The following XKR9 variants were observed in gnomAD, a reference collection of about 807,000 sequenced individuals.
XKR9 encodes XK-related protein 9.
Under a neutral mutation model 32.0 loss-of-function variants are expected in XKR9, and 32 were observed. That is an observed-to-expected ratio of 1.00 (90% confidence interval 0.76 to 1.34). XKR9 has a LOEUF of 1.34. Ranked by LOEUF, XKR9 falls within the 40% of genes most tolerant of loss-of-function variation. XKR9 has a pLI of 0.00. For missense variants in XKR9, 546 were observed against 429.7 expected, an observed-to-expected ratio of 1.27 and a Z score of -2.39; for synonymous variants, 168 against 143.4, an observed-to-expected ratio of 1.17 and a Z score of -1.22.
At chr8:70,892,816 G>C in the XKR9 span, among the ~76,000 whole-genome samples, 2 of 152,222 alleles carry the variant, frequency 1.3e-5, no homozygotes, top group Admixed American at 6.5e-5. Context: ...AATTCAAGGA[G>C]GTCCCTTTGG....
chr8:71,015,524 T>G, the XKR9 span, among the ~76,000 whole-genome samples: 1 of 152,216 alleles, frequency 6.6e-6, no homozygotes, highest in Non-Finnish European at 1.5e-5. Context: ...TGTCTTGATT[T>G]GGTCATCTGT....
the XKR9 span, among the ~76,000 whole-genome samples, chr8:70,978,327 C>T: frequency 4.0e-4 from 61 of 152,246 alleles, no homozygotes; most frequent in African/African-American, 1.4e-3. Context: ...TTCTCTCTAG[C>T]ATCGATGGTC....
intron 2 of XKR9, among the ~76,000 whole-genome samples, chr8:70,744,530 A>C (rs1269707795): frequency 6.6e-6 from 1 of 152,184 alleles, no homozygotes; most frequent in Non-Finnish European, 1.5e-5. Flanking sequence ...CCTCAAATCC[A>C]GTTCATTTTT....
chr8:70,781,410 CAT>C (rs1206827389), intron 2 of XKR9, among the ~76,000 whole-genome samples: 1 of 151,492 alleles, frequency 6.6e-6, no homozygotes, highest in Non-Finnish European at 1.5e-5. Context: ...TTTTAGTTGA[CAT>C]GTAATAATTG....
chr8:71,026,729 C>A, the XKR9 span, among the ~76,000 whole-genome samples: 1 of 152,134 alleles, frequency 6.6e-6, no homozygotes, highest in Non-Finnish European at 1.5e-5. Context: ...ATTTATTATT[C>A]TAAGTGCAAT....
the XKR9 span, among the ~76,000 whole-genome samples, chr8:70,882,098 C>A: frequency 1.3e-5 from 2 of 151,794 alleles, no homozygotes; most frequent in Non-Finnish European, 2.9e-5. Context: ...GAACATCACA[C>A]AATGGGGCCT....
the XKR9 span, among the ~76,000 whole-genome samples, chr8:70,930,852 T>C: frequency 1.3e-5 from 2 of 152,252 alleles, no homozygotes; most frequent in African/African-American, 4.8e-5. Context: ...TGGGAGGAAT[T>C]GATGGTTGGG....
At chr8:70,874,040 G>T in the XKR9 span, among the ~76,000 whole-genome samples, 1 of 152,168 alleles carries the variant, frequency 6.6e-6, no homozygotes, top group Non-Finnish European at 1.5e-5. Context: ...GGCTCAGATT[G>T]TTGTTAGCAT....
At chr8:70,821,518 C>T in the XKR9 span, among the ~76,000 whole-genome samples, 2 of 152,226 alleles carry the variant, frequency 1.3e-5, no homozygotes, top group African/African-American at 2.4e-5. Context: ...TTCTCTTCTG[C>T]ACTACCCTAG....
intron 3 of XKR9, among the ~76,000 whole-genome samples, chr8:70,705,041 GCTC>G (rs1805671643): frequency 6.6e-6 from 1 of 152,014 alleles, no homozygotes; most frequent in South Asian, 2.1e-4. Flanking sequence ...GTAAAAATAT[GCTC>G]CTTTTTGCCA....
chr8:70,966,126 A>G, the XKR9 span, among the ~76,000 whole-genome samples: 1 of 152,088 alleles, frequency 6.6e-6, no homozygotes, highest in African/African-American at 2.4e-5. Context: ...CTCTGTTTTC[A>G]TTAGTTTCAA....
the XKR9 span, among the ~76,000 whole-genome samples, chr8:70,988,025 T>G: frequency 6.6e-6 from 1 of 152,140 alleles, no homozygotes; most frequent in Non-Finnish European, 1.5e-5. Flanking sequence ...GTGGCTGGGA[T>G]GCAGGGCGCC....
At chr8:70,862,280 G>T in the XKR9 span, among the ~76,000 whole-genome samples, 2 of 151,980 alleles carry the variant, frequency 1.3e-5, no homozygotes, top group Admixed American at 1.3e-4. Context: ...AGTCCATTTT[G>T]TGTGTGGCAT....
At chr8:70,739,145 G>T (rs1241208668), downstream of XKR9, among the ~76,000 whole-genome samples, 1 of 151,866 alleles carries the variant, frequency 6.6e-6, no homozygotes, top group African/African-American at 2.4e-5. Flanking sequence ...TATGAATCTG[G>T]GTGCTCCTGT....
the XKR9 span, among the ~76,000 whole-genome samples, chr8:70,883,272 C>T: frequency 6.6e-6 from 1 of 152,070 alleles, no homozygotes; most frequent in Non-Finnish European, 1.5e-5. Flanking sequence ...AGAATAATGG[C>T]CTCCAGCTCC....
At chr8:70,918,768 CTTTTTTTTTT>C in the XKR9 span, among the ~76,000 whole-genome samples, 4 of 64,150 alleles carry the variant, frequency 6.2e-5, no homozygotes, top group Non-Finnish European at 8.9e-5. Flanking sequence ...TCATGGGATC[CTTTTTTTTTT>C]TTTTTTTTTT....
intron 3 of XKR9, among the ~76,000 whole-genome samples, chr8:70,693,389 CTCTT>C (rs1462870352): frequency 2.0e-5 from 3 of 152,106 alleles, no homozygotes; most frequent in Admixed American, 2.0e-4. Context: ...AGTTGGTAGA[CTCTT>C]TCTTGGTTGT....
the XKR9 span, among the ~76,000 whole-genome samples, chr8:70,886,591 G>T: frequency 6.6e-6 from 1 of 152,122 alleles, no homozygotes; most frequent in African/African-American, 2.4e-5. Flanking sequence ...TCTAACTGGC[G>T]TGAGATGGTA....
intron 2 of XKR9, among the ~76,000 whole-genome samples, chr8:70,780,400 T>A (rs934069809): frequency 6.6e-6 from 1 of 152,140 alleles, no homozygotes; most frequent in Non-Finnish European, 1.5e-5. Context: ...TTGTTTTAGG[T>A]GGTCCCACAA....
Sources: gnomAD v4.1 joint callset for allele counts (sites outside exome capture counted in the v4.1 genomes callset) on GRCh38, gnomAD v4.1.1 for gene constraint, MANE v1.5 for transcripts, NCBI Gene and HGNC (gene_info 2026-07-23, HGNC 2026-07-21) for gene names.